The following CCDC33 variants were observed in gnomAD, a reference collection of about 807,000 sequenced individuals.
CCDC33 encodes coiled-coil domain-containing protein 33.
Under a neutral mutation model 91.9 loss-of-function variants are expected in CCDC33, and 94 were observed. The observed-to-expected ratio is 1.02, with a 90% CI of 0.87 to 1.21. The LOEUF (loss-of-function observed/expected upper bound fraction) is 1.21. Among genes scored for constraint, CCDC33 ranks in the 50% most tolerant of loss-of-function variants. CCDC33 has a pLI of 0.00. For missense variants in CCDC33, 940 were observed against 935.5 expected, an observed-to-expected ratio of 1.00 and a Z score of -0.06; for synonymous variants, 396 against 374.5, an observed-to-expected ratio of 1.06 and a Z score of -0.66.
chr15:74,278,471 G>A (rs1343792147), intron 7 of CCDC33, among the ~76,000 whole-genome samples: 2 of 152,202 alleles, frequency 1.3e-5, no homozygotes, highest in Non-Finnish European at 2.9e-5. Context: ...CTGTAGCAAC[G>A]ACCCGCAGCC....
chr15:74,221,326 T>C, intron 2 of CCDC33: 2 of 973,780 alleles, frequency 2.1e-6, no homozygotes, highest in Non-Finnish European at 2.4e-6. Context: ...ATCAAGATGA[T>C]CCAGAATGAG....
At position 74,218,857 on chromosome 15, in the gene CCDC33, T is replaced by C; in HGVS notation, c.671T>C (p.Leu224Pro). 2 of 1,226,632 alleles carry C rather than the reference T, an allele frequency of 1.6e-6. No homozygotes were observed. Among genetic ancestry groups the C allele is most frequent in the Non-Finnish European group, 1.0e-6 (1 of 958,424 alleles). The allele number at this position is 1,226,632 out of a possible 1,614,324, so 76.0% of individuals were successfully genotyped here. A position where few individuals can be genotyped will look rare whatever the true frequency, so the allele number is the denominator to read the frequency against. ...TGCCCAGAGCCCCAGCTCCCCATAC[T>C]GCAGGTGGGTGCTTCCCTGGTCCCA... Residue 224 changes from leucine (L) to proline (P), a missense_variant, in exon 2 of 3, where the codon CTG (leucine) becomes CCG (proline). Physicochemically the swap from Leu to Pro is moderately conservative, Grantham distance 98. Coordinates refer to the CCDC33 transcript ENST00000635913. The surrounding 1 kb of genome is among the most constrained non-coding windows in gnomAD (Gnocchi z 4.8).
Position 74,218,938 on chromosome 15 carries a change from A to G in CCDC33, c.675+77A>G. 1 of 1,184,044 alleles carries G rather than the reference A, an allele frequency of 8.4e-7. No homozygotes were observed. Among genetic ancestry groups the G allele is most frequent in the African/African-American group, 1.6e-5 (1 of 62,476 alleles). 73.3% of individuals were successfully genotyped at this position (1,184,044 alleles called of 1,614,324 possible). ...CCCAGCCTCCGTGATAAGCCAGGCT[A>G]CCCCCTGTCCTGAGCTGAGCTGAGC... On this transcript the variant is annotated intron_variant, in intron 2 of 2. Coordinates refer to the CCDC33 transcript ENST00000635913. The surrounding 1 kb of genome is among the most constrained non-coding windows in gnomAD (Gnocchi z 4.8).
intron 11 of CCDC33, chr15:74,302,769 T>A (rs1429810405): frequency 6.5e-6 from 1 of 152,764 alleles, no homozygotes; most frequent in Non-Finnish European, 1.5e-5. Flanking sequence ...GTTGCCACAC[T>A]CTCTACCCTG....
At chr15:74,249,211 G>T (rs765364936) in intron 2 of CCDC33, among the ~76,000 whole-genome samples, 8 of 152,162 alleles carry the variant, frequency 5.3e-5, no homozygotes, top group Non-Finnish European at 8.8e-5. Context: ...TTGAGGCCGG[G>T]TGCAGCGGCT....
intron 1 of CCDC33, among the ~76,000 whole-genome samples, chr15:74,239,076 C>T (rs1006324875): frequency 1.9e-4 from 29 of 152,206 alleles, no homozygotes; most frequent in Non-Finnish European, 3.4e-4. Flanking sequence ...GAAATAGCCC[C>T]ACTGCAGTCA....
chr15:74,280,237 A>G, intron 8 of CCDC33, 145 bp downstream of exon 8: 1 of 942,888 alleles, frequency 1.1e-6, no homozygotes, highest in Admixed American at 2.5e-5. Flanking sequence ...CAGGCAGAGG[A>G]GAGCTGGCTG....
intron 2 of CCDC33, among the ~76,000 whole-genome samples, chr15:74,256,886 C>T (rs969150586): frequency 6.6e-6 from 1 of 152,220 alleles, no homozygotes; most frequent in African/African-American, 2.4e-5. Context: ...GGGGTACCCA[C>T]ACTTTTGGAT....
chr15:74,245,552 C>G (rs1427457281), intron 2 of CCDC33, among the ~76,000 whole-genome samples: 5 of 152,210 alleles, frequency 3.3e-5, no homozygotes, highest in African/African-American at 4.8e-5. Flanking sequence ...CTGACTGTCA[C>G]CAATCCGGCC....
intron 11 of CCDC33, among the ~76,000 whole-genome samples, chr15:74,310,535 CAAA>C (rs75401537): frequency 9.4e-5 from 6 of 63,566 alleles, no homozygotes; most frequent in Admixed American, 5.6e-4. Flanking sequence ...GACTCCATCT[CAAA>C]AAAAAAAAAA....
chr15:74,283,587 A>T (rs2059413000), intron 10 of CCDC33, among the ~76,000 whole-genome samples: 2 of 152,154 alleles, frequency 1.3e-5, no homozygotes, highest in African/African-American at 4.8e-5. Flanking sequence ...ATGCGGGAAA[A>T]TGCTGCCGAA....
chr15:74,315,083 G>A (rs1056485908), intron 11 of CCDC33, among the ~76,000 whole-genome samples: 1 of 152,246 alleles, frequency 6.6e-6, no homozygotes, highest in Admixed American at 6.5e-5. Context: ...CCTGGAGCCA[G>A]CAGGGGTAAG....
chr15:74,312,346 C>T (rs7166859), intron 11 of CCDC33, among the ~76,000 whole-genome samples: 67 of 152,316 alleles, frequency 4.4e-4, no homozygotes, highest in African/African-American at 1.4e-3. Flanking sequence ...TGTCAGCAGC[C>T]GCCCCAGCCC....
intron 11 of CCDC33, among the ~76,000 whole-genome samples, chr15:74,312,656 G>A (rs2060014282): frequency 2.0e-5 from 3 of 152,192 alleles, no homozygotes; most frequent in South Asian, 4.1e-4. Flanking sequence ...TATCAGGAGT[G>A]TGTGCGTCCT....
chr15:74,240,348 A>G (rs2075307172), intron 1 of CCDC33, among the ~76,000 whole-genome samples: 1 of 152,166 alleles, frequency 6.6e-6, no homozygotes, highest in Non-Finnish European at 1.5e-5. Flanking sequence ...CCCCTGGACA[A>G]TGGTCTTACT....
chr15:74,331,833 C>T (rs565287564), intron 15 of CCDC33, among the ~76,000 whole-genome samples: 255 of 152,248 alleles, frequency 1.7e-3, no homozygotes, highest in African/African-American at 6.0e-3. Flanking sequence ...AGTTCAAGAC[C>T]AGCCTGGCCA....
At position 74,244,392 on chromosome 15, in the gene CCDC33, G is replaced by A. The variant is rs1213288751; in HGVS notation, c.185+244G>A. Among the ~76,000 whole-genome samples the A allele has an allele frequency of 6.6e-6, 1 of 151,996 alleles. No individual in the cohort carries two copies. Reference sequence around the variant, plus strand: ...CACCCCTCCCCACCCCACACCAGTGGGGCAGGGATTGGTCACAGCTCAGCT... The same window carrying A: ...CACCCCTCCCCACCCCACACCAGTGAGGCAGGGATTGGTCACAGCTCAGCT... On this transcript the variant is annotated intron_variant, in intron 2 of 18. Transcript: ENST00000398814. This position sits in a 1 kb window ranked among gnomAD's most constrained non-coding sequence, Gnocchi z 4.2.
At position 74,236,714 on chromosome 15, in the gene CCDC33, A is replaced by G; in HGVS notation, c.-6A>G. 1.2e-6 allele frequency: 2 copies of G among 1,613,832 alleles called. No individual in the cohort carries two copies. The highest frequency in any genetic ancestry group is 1.7e-6 in the Non-Finnish European group (2 of 1,179,844). ...AACAAGGCCAGACACTCCTGGCCTC[A>G]AGAGGATGGGACTGAAAAACAAAAA... On this transcript the variant is annotated 5_prime_UTR_variant, in exon 1 of 19. Transcript: ENST00000398814.
At position 74,280,788 on chromosome 15, in the gene CCDC33, G is replaced by C. The variant is rs773877675; in HGVS notation, c.1010G>C (p.Arg337Pro). ...GGCTTGGACGGGCTTCACGTGGAGC[G>C]GCTCCCCATCATGGTGAGCCCCCTG... ...GKGLDGLHVE[R>P]LPIMDTSLKT... The change falls in exon 9 of 19, where the codon CGG (arginine) becomes CCG (proline). Residue 337 changes from arginine to proline, a missense_variant. Transcript: ENST00000398814. The C allele has an allele frequency of 6.5e-7, 1 of 1,538,226 alleles. No individual in the cohort carries two copies. Among genetic ancestry groups the C allele is most frequent in the African/African-American group, 1.4e-5 (1 of 71,238 alleles).
Sources: gnomAD v4.1 joint callset for allele counts (sites outside exome capture counted in the v4.1 genomes callset) on GRCh38, gnomAD v4.1.1 for gene constraint, Gnocchi (gnomAD v3.1) non-coding constraint, MANE v1.5 for transcripts, NCBI Gene and HGNC (gene_info 2026-07-23, HGNC 2026-07-21) for gene names.